GRIN2B: variants seen among roughly 807,000 people sequenced by gnomAD.
GRIN2B encodes glutamate receptor ionotropic, NMDA 2B.
In GRIN2B, 5 loss-of-function variants were observed where a neutral mutation model predicts 114.5. That is an observed-to-expected ratio of 0.04 (90% CI 0.02 to 0.09). The LOEUF (loss-of-function observed/expected upper bound fraction) is 0.09, where lower values mean the gene tolerates loss of function less well. Ranked by LOEUF, GRIN2B falls within the 10% of genes least tolerant of loss-of-function variation. The pLI, the probability that GRIN2B is intolerant of heterozygous loss-of-function variation, is 1.00. For synonymous variants in GRIN2B, 787 were observed against 745.1 expected, an observed-to-expected ratio of 1.06 and a Z score of -0.92; for missense variants, 1,108 against 1,943.5, an observed-to-expected ratio of 0.57 and a Z score of 8.08.
intron 4 of GRIN2B, among the ~76,000 whole-genome samples, chr12:13,680,718 ACT>A (rs747625877): frequency 6.6e-6 from 1 of 151,914 alleles, no homozygotes; most frequent in Non-Finnish European, 1.5e-5. Context: ...AAGTCTTCTG[ACT>A]CTCAGCTCAG....
chr12:13,785,610 G>T lies in GRIN2B; in HGVS notation c.412-31695C>A, dbSNP rs535854110. Among the ~76,000 whole-genome samples the T allele has an allele frequency of 4.1e-4, 63 of 152,208 alleles. No homozygotes were observed. The Middle Eastern group carries it at 0.014, about 33-fold the overall frequency. The stretch of plus-strand genomic sequence containing the variant: ...ATTCAAAGCCTCCAATTCTAAAAAG[G>T]TATCCTAATTCTCCACTGTATCTTC... On this transcript the variant is annotated intron_variant, in intron 3 of 13. Coordinates refer to ENST00000609686, the MANE Select transcript of GRIN2B (RefSeq NM_000834.5).
At chr12:13,725,263 T>C (rs1862960059) in intron 4 of GRIN2B, among the ~76,000 whole-genome samples, 1 of 152,008 alleles carries the variant, frequency 6.6e-6, no homozygotes, top group South Asian at 2.1e-4. Flanking sequence ...TTGTGTCATT[T>C]TGAATACAAG....
intron 4 of GRIN2B, among the ~76,000 whole-genome samples, chr12:13,752,969 C>T (rs2136628307): frequency 6.6e-6 from 1 of 152,294 alleles, no homozygotes; most frequent in Middle Eastern, 3.4e-3. Flanking sequence ...TCACTTGCAA[C>T]ATGACATTGT....
At chr12:13,600,985 G>A (rs1389200549) in intron 10 of GRIN2B, among the ~76,000 whole-genome samples, 2 of 152,202 alleles carry the variant, frequency 1.3e-5, no homozygotes, top group African/African-American at 2.4e-5. Flanking sequence ...ATTCTTCCAG[G>A]CAAAGGAGAG....
chr12:13,848,607 T>A (rs995590843), intron 3 of GRIN2B, among the ~76,000 whole-genome samples: 38 of 152,172 alleles, frequency 2.5e-4, no homozygotes, highest in African/African-American at 8.7e-4. Flanking sequence ...GATCACAAAG[T>A]GGCCATGATT....
chr12:13,574,442 C>T (rs1948747766), intron 10 of GRIN2B, among the ~76,000 whole-genome samples: 1 of 152,174 alleles, frequency 6.6e-6, no homozygotes. Flanking sequence ...TTTATAATGA[C>T]TAAGATACTC....
Position 13,709,521 on chromosome 12 carries a change from T to C in GRIN2B, c.1011-33662A>G, listed in dbSNP as rs535981515. Among the ~76,000 whole-genome samples, 20 of 152,082 alleles carry C rather than the reference T, an allele frequency of 1.3e-4. 1 individual carries two copies. In the Middle Eastern group the frequency reaches 0.01, roughly 78 times the overall value. On this transcript the variant is annotated intron_variant, in intron 4 of 13. Transcript: ENST00000609686. ...AAATTTTAGAAATGAAACAATATAA[T>C]GGTTAATATAAAAAATACTTGCTGG...
intron 10 of GRIN2B, among the ~76,000 whole-genome samples, chr12:13,595,171 C>T (rs568122563): frequency 1.5e-4 from 23 of 152,306 alleles, no homozygotes; most frequent in African/African-American, 5.0e-4. Context: ...ATAATTCTTG[C>T]TCCACATAGA....
chr12:13,932,983 G>GCA (rs1867063448), intron 2 of GRIN2B, among the ~76,000 whole-genome samples: 1 of 130,016 alleles, frequency 7.7e-6, no homozygotes, highest in South Asian at 2.7e-4. Flanking sequence ...GTGTGTGTGT[G>GCA]TGTGCGTGTG....
chr12:13,642,000 C>T (rs1223110429), intron 5 of GRIN2B, among the ~76,000 whole-genome samples: 1 of 152,000 alleles, frequency 6.6e-6, no homozygotes, highest in Non-Finnish European at 1.5e-5. Flanking sequence ...CCAGCCTGGC[C>T]AATGTGATGA....
At chr12:13,974,150 G>T (rs1329751144) in intron 2 of GRIN2B, among the ~76,000 whole-genome samples, 1 of 152,220 alleles carries the variant, frequency 6.6e-6, no homozygotes, top group East Asian at 1.9e-4. Flanking sequence ...ACATGGGCTA[G>T]GCTGGTCCTT....
intron 5 of GRIN2B, among the ~76,000 whole-genome samples, chr12:13,621,247 C>T (rs758193641): frequency 1.1e-4 from 16 of 152,134 alleles, no homozygotes; most frequent in Non-Finnish European, 2.4e-4. Context: ...AAGCAAACAT[C>T]TTGAAAGTGC....
chr12:13,607,343 A>AT (rs1565473649), intron 10 of GRIN2B, among the ~76,000 whole-genome samples: 4 of 42,650 alleles, frequency 9.4e-5, no homozygotes, highest in African/African-American at 2.2e-4. Flanking sequence ...TATTATATAT[A>AT]ATATATAAAA....
intron 3 of GRIN2B, among the ~76,000 whole-genome samples, chr12:13,816,179 A>G (rs1347332425): frequency 6.6e-6 from 1 of 152,188 alleles, no homozygotes; most frequent in Non-Finnish European, 1.5e-5. Flanking sequence ...ATTAGAGATG[A>G]CAGGTCTCTA....
intron 5 of GRIN2B, among the ~76,000 whole-genome samples, chr12:13,646,607 A>G (rs990893299): frequency 6.6e-6 from 1 of 152,098 alleles, no homozygotes; most frequent in Non-Finnish European, 1.5e-5. Flanking sequence ...GTCATGTTAT[A>G]TAAGCTTTCG....
chr12:13,960,768 G>A (rs1034748521), intron 2 of GRIN2B, among the ~76,000 whole-genome samples: 9 of 152,300 alleles, frequency 5.9e-5, no homozygotes, highest in East Asian at 1.9e-4. Flanking sequence ...AGCAAAGTCC[G>A]TAATGAAGAG....
chr12:13,656,863 G>A (rs560741696), intron 5 of GRIN2B, among the ~76,000 whole-genome samples: 1 of 152,308 alleles, frequency 6.6e-6, no homozygotes, highest in African/African-American at 2.4e-5. Flanking sequence ...CAACCCTCTT[G>A]TTTTATAGAT....
Position 13,607,263 on chromosome 12 carries a change from TAA to T in GRIN2B, c.2010+1338_2010+1339del, listed in dbSNP as rs1185116326. 4.3e-3 allele frequency among the ~76,000 whole-genome samples: 242 copies of T among 56,418 alleles called. 4 individuals are homozygous for T. The highest frequency in any genetic ancestry group is 0.018 in the African/African-American group (229 of 12,784). 37.0% of individuals were successfully genotyped at this position (56,418 alleles called of 152,430 possible). A position where few individuals can be genotyped will look rare whatever the true frequency, so the allele number is the denominator to read the frequency against. On this transcript the variant is annotated intron_variant, in intron 10 of 13. Transcript: ENST00000609686. ...TTATATAAAAAATATATATTATATA[TAA>T]TATATAAAATATATAATATATATTA...
At chr12:13,817,073 G>C (rs1295251764) in intron 3 of GRIN2B, among the ~76,000 whole-genome samples, 1 of 151,892 alleles carries the variant, frequency 6.6e-6, no homozygotes, top group Non-Finnish European at 1.5e-5. Flanking sequence ...TTATCATTGA[G>C]GGTTTGGTGC....
Sources: allele counts gnomAD v4.1 joint callset (sites outside exome capture counted in the v4.1 genomes callset), GRCh38; gene constraint gnomAD v4.1.1; transcripts MANE v1.5; gene names NCBI Gene and HGNC (gene_info 2026-07-23, HGNC 2026-07-21).